Variants in PTPRD observed in about 807,000 individuals in gnomAD.
The protein encoded by PTPRD is receptor-type tyrosine-protein phosphatase delta.
PTPRD carries 34 observed loss-of-function variants against 214.5 expected under a neutral mutation model. The ratio of observed to expected loss-of-function variants is 0.16; its 90% CI spans 0.12 to 0.21. The LOEUF is 0.21. Among genes scored for constraint, PTPRD ranks in the 10% least tolerant of loss-of-function variants. PTPRD has a pLI of 1.00. For missense variants in PTPRD, 2,545 were observed against 2,398.7 expected (o/e 1.06, Z -1.27); for synonymous variants, 1,128 against 845.7 (o/e 1.33, Z -5.79).
chr9:9,911,783 T>A (rs2079261059), intron 5 of PTPRD, among the ~76,000 whole-genome samples: 1 of 152,106 alleles, frequency 6.6e-6, no homozygotes. Context: ...GGATCATAAA[T>A]AAGAGAAAAT....
intron 4 of PTPRD, among the ~76,000 whole-genome samples, chr9:10,008,688 C>A (rs983106397): frequency 4.6e-5 from 7 of 151,802 alleles, no homozygotes; most frequent in African/African-American, 1.7e-4. Context: ...GCTAAGCTTC[C>A]CAGTCTGCAG....
intron 5 of PTPRD, among the ~76,000 whole-genome samples, chr9:9,925,792 T>G (rs1156616048): frequency 6.6e-6 from 1 of 152,100 alleles, no homozygotes; most frequent in African/African-American, 2.4e-5. Flanking sequence ...TGATGACTTG[T>G]GAGAAAGAAT....
chr9:9,980,351 A>G (rs7465797), intron 4 of PTPRD, among the ~76,000 whole-genome samples: 84,794 of 151,520 alleles, frequency 0.56, 25,392 homozygotes, highest in Middle Eastern at 0.78. Context: ...GGTCACGCCT[A>G]TAATCCCAGG....
chr9:8,958,025 T>C (rs1326975566), intron 11 of PTPRD, among the ~76,000 whole-genome samples: 1 of 151,948 alleles, frequency 6.6e-6, no homozygotes, highest in Admixed American at 6.6e-5. Flanking sequence ...ATTAGTTACA[T>C]GCTCCTTAAA....
chr9:10,241,487 A>G (rs2091039277), intron 3 of PTPRD, among the ~76,000 whole-genome samples: 1 of 151,994 alleles, frequency 6.6e-6, no homozygotes, highest in African/African-American at 2.4e-5. Flanking sequence ...AAATTATAGT[A>G]TAGCCATGCA....
At chr9:10,556,367 T>C (rs551603905) in intron 2 of PTPRD, among the ~76,000 whole-genome samples, 12 of 152,120 alleles carry the variant, frequency 7.9e-5, no homozygotes, top group Non-Finnish European at 1.8e-4. Flanking sequence ...ATGCTAAACC[T>C]GGTTACAAAT....
At chr9:8,395,648 G>A (rs940853277) in intron 36 of PTPRD, among the ~76,000 whole-genome samples, 1 of 151,624 alleles carries the variant, frequency 6.6e-6, no homozygotes, top group African/African-American at 2.4e-5. Flanking sequence ...TTTTTTAAAA[G>A]CATGCCTGTT....
chr9:9,473,410 T>G (rs1040048687), intron 8 of PTPRD, among the ~76,000 whole-genome samples: 7 of 152,226 alleles, frequency 4.6e-5, no homozygotes, highest in African/African-American at 1.4e-4. Context: ...TCTTGTCTAT[T>G]GCGAATAAAA....
At chr9:9,175,694 A>G (rs964212827) in intron 10 of PTPRD, among the ~76,000 whole-genome samples, 4 of 150,340 alleles carry the variant, frequency 2.7e-5, no homozygotes, top group African/African-American at 9.8e-5. Context: ...AAAATATACT[A>G]TTTGTTTTGA....
At chr9:9,497,188 C>G (rs1379629932) in intron 8 of PTPRD, among the ~76,000 whole-genome samples, 1 of 152,036 alleles carries the variant, frequency 6.6e-6, no homozygotes, top group African/African-American at 2.4e-5. Context: ...AGCTGCACAA[C>G]AATATGAATA....
At chr9:10,362,941 AC>A (rs1184847070) in intron 2 of PTPRD, among the ~76,000 whole-genome samples, 6 of 152,128 alleles carry the variant, frequency 3.9e-5, no homozygotes, top group Non-Finnish European at 2.9e-5. Flanking sequence ...TATCTTTAGA[AC>A]CCAGAACAAT....
intron 26 of PTPRD, among the ~76,000 whole-genome samples, chr9:8,493,357 G>T (rs1480954341): frequency 6.6e-6 from 1 of 152,160 alleles, no homozygotes; most frequent in Non-Finnish European, 1.5e-5. Context: ...AGGATTATAT[G>T]AGTTATATCA....
chr9:9,391,847 G>C (rs569644310), intron 9 of PTPRD, among the ~76,000 whole-genome samples: 1 of 152,100 alleles, frequency 6.6e-6, no homozygotes, highest in Non-Finnish European at 1.5e-5. Flanking sequence ...CACACCGTTT[G>C]TTCCTTTCTG....
chr9:10,235,102 T>G (rs552912079), intron 3 of PTPRD, among the ~76,000 whole-genome samples: 3 of 151,948 alleles, frequency 2.0e-5, no homozygotes, highest in Non-Finnish European at 4.4e-5. Flanking sequence ...TAGACAGCCC[T>G]TACTTTTTAC....
At chr9:10,577,942 C>G (rs1012622959) in intron 2 of PTPRD, among the ~76,000 whole-genome samples, 2 of 148,998 alleles carry the variant, frequency 1.3e-5, no homozygotes, top group Non-Finnish European at 1.5e-5. Context: ...GAGACAGAGT[C>G]TCACTGTCAC....
chr9:9,678,988 A>C (rs1308769739), intron 7 of PTPRD, among the ~76,000 whole-genome samples: 10 of 151,882 alleles, frequency 6.6e-5, no homozygotes, highest in Admixed American at 4.6e-4. Context: ...GAATTTTGGT[A>C]CATCAGAGTA....
chr9:9,107,436 G>A (rs1377644726), intron 10 of PTPRD, among the ~76,000 whole-genome samples: 2 of 152,152 alleles, frequency 1.3e-5, no homozygotes, highest in East Asian at 3.9e-4. Flanking sequence ...CTATAATGTG[G>A]TTGTAGGAAG....
chr9:9,301,344 A>G (rs190091595), intron 9 of PTPRD, among the ~76,000 whole-genome samples: 2 of 152,000 alleles, frequency 1.3e-5, no homozygotes, highest in Admixed American at 1.3e-4. Context: ...AACAATAATA[A>G]GGTAGTTTAC....
chr9:10,291,460 G>A (rs1006063449), intron 3 of PTPRD, among the ~76,000 whole-genome samples: 3 of 152,136 alleles, frequency 2.0e-5, no homozygotes, highest in African/African-American at 4.8e-5. Context: ...AGATTATTTG[G>A]GTGGACCCTA....
Sources: gnomAD v4.1 joint callset for allele counts (sites outside exome capture counted in the v4.1 genomes callset) on GRCh38, gnomAD v4.1.1 for gene constraint, MANE v1.5 for transcripts, NCBI Gene and HGNC (gene_info 2026-07-23, HGNC 2026-07-21) for gene names.